Variants in ATG7 observed in about 807,000 individuals in gnomAD.
ATG7 encodes the protein ubiquitin-like modifier-activating enzyme ATG7.
ATG7 carries 70 observed loss-of-function variants against 82.4 expected under a neutral mutation model. The ratio of observed to expected loss-of-function variants is 0.85; its 90% confidence interval spans 0.70 to 1.04. The LOEUF (loss-of-function observed/expected upper bound fraction) is 1.04, where lower values mean the gene tolerates loss of function less well. Ranked by LOEUF, ATG7 falls within the 50% of genes least tolerant of loss-of-function variation. ATG7 has a pLI of 0.00. For synonymous variants in ATG7, 287 were observed against 313.0 expected, an observed-to-expected ratio of 0.92 and a Z score of 0.88; for missense variants, 792 against 864.3, an observed-to-expected ratio of 0.92 and a Z score of 1.05.
chr3:11,318,943 C>A (rs1949827295), intron 9 of ATG7, among the ~76,000 whole-genome samples: 2 of 152,220 alleles, frequency 1.3e-5, no homozygotes, highest in African/African-American at 4.8e-5. Context: ...TCCTTCCTAG[C>A]ACTGACTAGT....
chr3:11,364,590 C>G (rs2595005), intron 17 of ATG7, 69 bp from the exon 18 acceptor site: 1 of 1,531,008 alleles, frequency 6.5e-7, no homozygotes, highest in African/African-American at 1.4e-5. Flanking sequence ...ATGTAGATTT[C>G]TGCTAGATCA....
chr3:11,448,885 C>T (rs542196092), intron 20 of ATG7, among the ~76,000 whole-genome samples: 1 of 152,226 alleles, frequency 6.6e-6, no homozygotes, highest in Non-Finnish European at 1.5e-5. Context: ...GGGTCTCTCT[C>T]CCCTGCCTGA....
chr3:11,332,093 A>C lies in ATG7; in HGVS notation c.767+665A>C, dbSNP rs371263733. Among the ~76,000 whole-genome samples, 4 of 152,352 alleles carry C rather than the reference A, an allele frequency of 2.6e-5. No individual in the cohort carries two copies. The East Asian group carries it at 7.7e-4, about 29-fold the overall frequency. On this transcript the variant is annotated intron_variant, in intron 10 of 20. Transcript: ENST00000693202. ...ACACATATACAAGAATGTTTACAGA[A>C]GCATTATTCTCAATAACCAAAAGCT...
chr3:11,556,870 C>G lies in ATG7; in HGVS notation c.*2027C>G, dbSNP rs964248644. 2.6e-5 allele frequency: 4 copies of G among 152,690 alleles called. No homozygotes were observed. Among genetic ancestry groups the G allele is most frequent in the African/African-American group, 9.7e-5 (4 of 41,414 alleles). 9.5% of individuals were successfully genotyped at this position (152,690 alleles called of 1,614,324 possible). ...CAGTACAGTGGGAGTGAAATGTGTG[C>G]GGGGCAAGGAGAAGGGCTTTTCTTT... is the stretch of plus-strand genomic sequence containing the variant. On this transcript the variant is annotated 3_prime_UTR_variant, in exon 21 of 21. Coordinates refer to ENST00000693202, the MANE Select transcript of ATG7 (RefSeq NM_001349232.2).
intron 20 of ATG7, among the ~76,000 whole-genome samples, chr3:11,513,139 G>T (rs2092137377): frequency 6.6e-6 from 1 of 152,212 alleles, no homozygotes; most frequent in Non-Finnish European, 1.5e-5. Context: ...TAGACATAAA[G>T]GTTCTCCAAG....
intron 20 of ATG7, among the ~76,000 whole-genome samples, chr3:11,505,026 C>T (rs898486384): frequency 6.6e-6 from 1 of 152,094 alleles, no homozygotes; most frequent in African/African-American, 2.4e-5. Context: ...CAAGAGGTGA[C>T]AATATGAGCA....
chr3:11,536,102 A>G (rs2070261999), intron 20 of ATG7, among the ~76,000 whole-genome samples: 1 of 152,202 alleles, frequency 6.6e-6, no homozygotes, highest in Admixed American at 6.5e-5. Flanking sequence ...CTCCCAGCCC[A>G]GCCAGGCTGT....
intron 9 of ATG7, among the ~76,000 whole-genome samples, chr3:11,321,369 A>C (rs1473690048): frequency 6.6e-6 from 1 of 152,082 alleles, no homozygotes; most frequent in Non-Finnish European, 1.5e-5. Context: ...GCCCCTGAAG[A>C]GGACACATTG....
chr3:11,452,029 G>T (rs1013498846), intron 20 of ATG7, among the ~76,000 whole-genome samples: 1 of 143,896 alleles, frequency 6.9e-6, no homozygotes, highest in African/African-American at 2.6e-5. Flanking sequence ...GGGTTGGGGG[G>T]TTGTGGGAGG....
At chr3:11,419,740 G>GT (rs1381384680) in intron 19 of ATG7, among the ~76,000 whole-genome samples, 1 of 152,160 alleles carries the variant, frequency 6.6e-6, no homozygotes, top group East Asian at 1.9e-4. Context: ...ATAGTAAAGA[G>GT]TAAGGAGTCA....
intron 20 of ATG7, among the ~76,000 whole-genome samples, chr3:11,537,286 C>T (rs1326672930): frequency 6.6e-6 from 1 of 152,144 alleles, no homozygotes; most frequent in Non-Finnish European, 1.5e-5. Context: ...AGAACTGTTC[C>T]TCCATCATTC....
intron 20 of ATG7, among the ~76,000 whole-genome samples, chr3:11,540,917 A>AT (rs1553711957): frequency 2.7e-4 from 20 of 74,022 alleles, no homozygotes; most frequent in Admixed American, 9.1e-4. Flanking sequence ...TGGGGGGGGG[A>AT]GGGGGGGAGT....
At chr3:11,500,346 T>G (rs2091231027) in intron 20 of ATG7, among the ~76,000 whole-genome samples, 1 of 152,166 alleles carries the variant, frequency 6.6e-6, no homozygotes, top group Non-Finnish European at 1.5e-5. Context: ...TGAACCTTCT[T>G]AGTTGCCACA....
At chr3:11,308,048 A>C (rs973676964) in intron 6 of ATG7, among the ~76,000 whole-genome samples, 7 of 152,150 alleles carry the variant, frequency 4.6e-5, no homozygotes, top group African/African-American at 1.7e-4. Context: ...CCACCCCTCA[A>C]CTGGGGCCCA....
chr3:11,566,353 G>A, the ATG7 span, among the ~76,000 whole-genome samples: 1 of 152,206 alleles, frequency 6.6e-6, no homozygotes, highest in Non-Finnish European at 1.5e-5. Flanking sequence ...GTGACATCTT[G>A]TAAAACTACA....
At position 11,313,486 on chromosome 3, in the gene ATG7, T is replaced by C. The variant is rs538970172; in HGVS notation, c.528+66T>C. ...ATGTGCAAGAGTAGTTATGTAGTTC[T>C]TTCCAAAGACAAACAGGCACTTCTC... On this transcript the variant is annotated intron_variant, in intron 8 of 20. Transcript: ENST00000693202. The C allele has an allele frequency of 1.0e-5, 12 of 1,196,060 alleles. No individual in the cohort carries two copies. The African/African-American group carries it at 1.4e-4, about 14-fold the overall frequency. The allele number at this position is 1,196,060 out of a possible 1,614,324, so 74.1% of individuals were successfully genotyped here. A position where few individuals can be genotyped will look rare whatever the true frequency, so the allele number is the denominator to read the frequency against.
chr3:11,385,751 G>C (rs1406300190), intron 19 of ATG7, among the ~76,000 whole-genome samples: 2 of 152,182 alleles, frequency 1.3e-5, no homozygotes, highest in African/African-American at 4.8e-5. Context: ...CTAGGGGAGA[G>C]AACACAAGGA....
intron 20 of ATG7, among the ~76,000 whole-genome samples, chr3:11,492,000 C>G (rs574305118): frequency 1.3e-5 from 2 of 152,342 alleles, no homozygotes; most frequent in African/African-American, 4.8e-5. Context: ...CAAGTTTGAG[C>G]TTCCCGGCTG....
chr3:11,532,295 T>A (rs2092708380), intron 20 of ATG7, among the ~76,000 whole-genome samples: 2 of 152,128 alleles, frequency 1.3e-5, no homozygotes, highest in African/African-American at 4.8e-5. Context: ...CCGGCACACA[T>A]CATCTGCAAG....
Sources: gnomAD v4.1 joint callset for allele counts (sites outside exome capture counted in the v4.1 genomes callset) on GRCh38, gnomAD v4.1.1 for gene constraint, MANE v1.5 for transcripts, NCBI Gene and HGNC (gene_info 2026-07-23, HGNC 2026-07-21) for gene names.